NUB1: variants seen among roughly 807,000 people sequenced by gnomAD.
NUB1 encodes negative regulator of ubiquitin like proteins 1.
NUB1 carries 41 observed loss-of-function variants against 77.1 expected under a neutral mutation model. The observed-to-expected ratio is 0.53, with a 90% CI of 0.41 to 0.69. The LOEUF (loss-of-function observed/expected upper bound fraction) is 0.69. Ranked by LOEUF, NUB1 falls within the 30% of genes least tolerant of loss-of-function variation. The pLI is 0.00. For synonymous variants in NUB1, 257 were observed against 281.0 expected (o/e 0.91, Z 0.85); for missense variants, 643 against 743.8 (o/e 0.86, Z 1.58).
rs370093318 is a variant in NUB1 at position 151,374,148 on chromosome 7, G to A, written c.1300G>A (p.Glu434Lys). ...AAAAGAGAAGAAAAGACGCCGCCTC[G>A]AGAACATCAGGTTTCTGAAAGGGAT... Reference protein sequence around the residue: ...EEKEKKRRRLENIRFLKGMGY... With the variant: ...EEKEKKRRRLKNIRFLKGMGY... The change falls in exon 12 of 15, where the codon GAG (glutamate) becomes AAG (lysine). Residue 434 changes from glutamate to lysine, a missense_variant. By Grantham distance (56) the Glu-to-Lys change is moderately conservative (BLOSUM62 1). Transcript: ENST00000568733. 24 of 1,575,712 alleles carry A rather than the reference G, an allele frequency of 1.5e-5. No individual in the cohort carries two copies. The highest frequency in any genetic ancestry group is 1.9e-5 in the Non-Finnish European group (22 of 1,161,234).
intron 7 of NUB1, 99 bp from the exon 8 acceptor site, chr7:151,360,042 A>AT (rs939681810): frequency 1.6e-4 from 91 of 585,802 alleles, no homozygotes; most frequent in Non-Finnish European, 2.1e-4. Context: ...TCTTGTTTTC[A>AT]TTTTTTTTAC....
chr7:151,343,682 C>T (rs572144476), intron 1 of NUB1, among the ~76,000 whole-genome samples: 137 of 152,186 alleles, frequency 9.0e-4, no homozygotes, highest in Middle Eastern at 3.4e-3. Context: ...AGCTCCATCG[C>T]GGTACATACT....
At chr7:151,374,840 C>T (rs2302128) in intron 12 of NUB1, among the ~76,000 whole-genome samples, 62,870 of 152,044 alleles carry the variant, frequency 0.41, 15,098 homozygotes, top group Non-Finnish European at 0.55. Flanking sequence ...TCTGCCCTCT[C>T]GGCCCCGCAG....
Position 151,377,327 on chromosome 7 carries a change from T to C in NUB1, c.*102T>C. On this transcript the variant is annotated 3_prime_UTR_variant, in exon 15 of 15. Coordinates refer to ENST00000568733, the MANE Select transcript of NUB1 (RefSeq NM_001243351.2). ...TCTTACTTTTTATCTGAATTACAAGTCCTCTTTGGGTGTAGGAGGGGGTGG... is the reference window on the plus strand; with the variant it reads ...TCTTACTTTTTATCTGAATTACAAGCCCTCTTTGGGTGTAGGAGGGGGTGG... 7.4e-6 allele frequency: 5 copies of C among 671,372 alleles called. No individual in the cohort carries two copies. The highest frequency in any genetic ancestry group is 3.9e-5 in the East Asian group (1 of 25,724). 41.6% of individuals were successfully genotyped at this position (671,372 alleles called of 1,614,324 possible). A position where few individuals can be genotyped will look rare whatever the true frequency, so the allele number is the denominator to read the frequency against.
At chr7:151,373,713 C>T (rs570074423) in intron 11 of NUB1, among the ~76,000 whole-genome samples, 8 of 152,242 alleles carry the variant, frequency 5.3e-5, no homozygotes, top group African/African-American at 1.9e-4. Context: ...CGTGCAGAAG[C>T]TCTCCTACCC....
At chr7:151,343,930 C>A (rs1478092962) in intron 1 of NUB1, among the ~76,000 whole-genome samples, 1 of 151,860 alleles carries the variant, frequency 6.6e-6, no homozygotes, top group African/African-American at 2.4e-5. Flanking sequence ...GCCTGTAATC[C>A]CAGCACTTTG....
intron 3 of NUB1, among the ~76,000 whole-genome samples, chr7:151,349,447 G>A (rs1181245608): frequency 6.6e-6 from 1 of 152,194 alleles, no homozygotes; most frequent in Non-Finnish European, 1.5e-5. Flanking sequence ...ACCCTCTTGG[G>A]CTTCTAAAAT....
intron 4 of NUB1, among the ~76,000 whole-genome samples, chr7:151,351,926 C>CACACAT (rs1584941846): frequency 6.6e-6 from 1 of 151,782 alleles, no homozygotes; most frequent in East Asian, 1.9e-4. Flanking sequence ...AACACACACA[C>CACACAT]ACACACACAC....
At chr7:151,352,903 A>T in intron 5 of NUB1, 21 bp downstream of exon 5, 1 of 1,297,294 alleles carries the variant, frequency 7.7e-7, no homozygotes, top group Non-Finnish European at 1.1e-6. Context: ...CAAAGTATGC[A>T]TAATTTTTTA....
rs547329627 is a variant in NUB1, at chr7:151,362,735, T to TCA, written c.800+2489_800+2490dup. Among the ~76,000 whole-genome samples, 59 of 152,290 alleles carry TCA rather than the reference T, an allele frequency of 3.9e-4. 1 individual carries two copies. The South Asian group carries it at 6.6e-3, about 17-fold the overall frequency. ...GGAGCAAGCTGCCAGAGAGAGGGTGTCAGAGAGCTTCAGAGGAGCCCTTTT... is the reference window on the plus strand; with the variant it reads ...GGAGCAAGCTGCCAGAGAGAGGGTGTCACAGAGAGCTTCAGAGGAGCCCTTTT... On this transcript the variant is annotated intron_variant, in intron 8 of 14. Transcript: ENST00000568733.
intron 14 of NUB1, 35 bp downstream of exon 14, chr7:151,376,846 C>T: frequency 6.5e-7 from 1 of 1,543,848 alleles, no homozygotes; most frequent in Non-Finnish European, 8.8e-7. Flanking sequence ...GCATTGAGAG[C>T]AAAGTGTCTT....
At position 151,349,238 on chromosome 7, in the gene NUB1, A is replaced by C. The variant is rs61734186; in HGVS notation, c.283A>C (p.Lys95Gln). Residue 95 changes from lysine (K) to glutamine (Q), a missense_variant and splice_region_variant, in exon 3 of 15, where the codon AAA becomes CAA. Transcript: ENST00000568733. ...IEVFLPPRLK[K>Q]DRKNLLETRL... The stretch of plus-strand genomic sequence containing the variant: ...GGTGTTTTTACCACCAAGACTAAAA[A>C]AAGTGAGTAATTTCCCTAAATTTGA... The C allele has an allele frequency of 1.2e-6, 2 of 1,604,960 alleles. No individual in the cohort carries two copies. Among genetic ancestry groups the C allele is most frequent in the African/African-American group, 2.7e-5 (2 of 74,052 alleles).
At position 151,367,940 on chromosome 7, in the gene NUB1, A is replaced by G. The variant is rs775107682; in HGVS notation, c.1067A>G (p.Asp356Gly). The G allele has an allele frequency of 9.4e-6, 15 of 1,591,216 alleles. No individual in the cohort carries two copies. The South Asian group carries it at 1.7e-4, about 18-fold the overall frequency. Residue 356 changes from aspartate to glycine, a missense_variant, in exon 10 of 15, where the codon GAT becomes GGT. Transcript: ENST00000568733. Reference protein sequence around the residue: ...QGIRNYHSGNDVEAYEYLNKA... With the variant: ...QGIRNYHSGNGVEAYEYLNKA... ...ATCCGAAACTATCACAGTGGAAATGATGTAGAGGCTTATGAGTATCTTAAC... is the reference window on the plus strand; with the variant it reads ...ATCCGAAACTATCACAGTGGAAATGGTGTAGAGGCTTATGAGTATCTTAAC...
intron 9 of NUB1, 23 bp from the exon 10 acceptor site, chr7:151,367,838 C>CT (rs765902728): frequency 6.9e-6 from 10 of 1,458,192 alleles, no homozygotes; most frequent in South Asian, 1.2e-5. Context: ...CAATTTTATC[C>CT]TTTTTTTCTT....
chr7:151,344,868 C>CA (rs1554405724), intron 1 of NUB1, among the ~76,000 whole-genome samples: 1 of 151,536 alleles, frequency 6.6e-6, no homozygotes. Context: ...GGCGTGGTGG[C>CA]GCATGCCTGT....
chr7:151,345,889 A>C (rs1258222979), intron 2 of NUB1, among the ~76,000 whole-genome samples: 1 of 152,156 alleles, frequency 6.6e-6, no homozygotes, highest in East Asian at 1.9e-4. Flanking sequence ...TCTCACTATC[A>C]GTGTTCATTT....
intron 6 of NUB1, 59 bp downstream of exon 6, chr7:151,356,009 A>C: frequency 6.4e-7 from 1 of 1,573,128 alleles, no homozygotes; most frequent in Non-Finnish European, 8.7e-7. Flanking sequence ...ACTGGATCAC[A>C]CAGTTGGGGG....
rs770296285 is a variant in NUB1 at position 151,346,657 on chromosome 7, A to T, written c.117+1191A>T. ...CTTCCAAATTGGTGAACACATCCACATGTCGGGATGTACACCCCCAACTCC... is the reference window on the plus strand; with the variant it reads ...CTTCCAAATTGGTGAACACATCCACTTGTCGGGATGTACACCCCCAACTCC... On this transcript the variant is annotated intron_variant, in intron 2 of 14. Coordinates refer to ENST00000568733, the MANE Select transcript of NUB1 (RefSeq NM_001243351.2). 2.0e-5 allele frequency among the ~76,000 whole-genome samples: 3 copies of T among 152,358 alleles called. No individual in the cohort carries two copies. The East Asian group carries it at 5.8e-4, about 29-fold the overall frequency.
intron 11 of NUB1, among the ~76,000 whole-genome samples, chr7:151,373,172 G>A (rs537230768): frequency 2.0e-5 from 3 of 152,254 alleles, no homozygotes; most frequent in South Asian, 4.1e-4. Context: ...TTTCTCCCCC[G>A]TCCTCGCTGC....
Sources: gnomAD v4.1 joint callset for allele counts (sites outside exome capture counted in the v4.1 genomes callset) on GRCh38, gnomAD v4.1.1 for gene constraint, MANE v1.5 for transcripts, NCBI Gene and HGNC (gene_info 2026-07-23, HGNC 2026-07-21) for gene names.